Variants in CEP112 observed in about 807,000 individuals in gnomAD.
CEP112 encodes the protein centrosomal protein of 112 kDa.
Under a neutral mutation model 153.0 loss-of-function variants are expected in CEP112, and 127 were observed. The observed-to-expected ratio is 0.83, with a 90% CI of 0.72 to 0.96. The LOEUF (loss-of-function observed/expected upper bound fraction) is 0.96, where lower values mean the gene tolerates loss of function less well. Ranked by LOEUF, CEP112 falls within the 40% of genes least tolerant of loss-of-function variation. The probability of loss-of-function intolerance (pLI) is 0.00; values close to 1 mark genes in which losing one functional copy is unlikely to be tolerated. For missense variants in CEP112, 1,089 were observed against 1,101.2 expected, an observed-to-expected ratio of 0.99 and a Z score of 0.16; for synonymous variants, 358 against 374.4, an observed-to-expected ratio of 0.96 and a Z score of 0.51.
chr17:66,054,413 A>G (rs950801134), intron 11 of CEP112, among the ~76,000 whole-genome samples: 3 of 152,202 alleles, frequency 2.0e-5, no homozygotes, highest in Non-Finnish European at 2.9e-5. Context: ...CAGTCAAACA[A>G]TATGGGTAGG....
At chr17:66,152,887 T>A (rs1387549437) in intron 4 of CEP112, among the ~76,000 whole-genome samples, 2 of 152,184 alleles carry the variant, frequency 1.3e-5, no homozygotes, top group Non-Finnish European at 2.9e-5. Flanking sequence ...AACAGACATT[T>A]CTTCAAAGAA....
At chr17:66,167,161 G>A (rs532825044) in intron 4 of CEP112, among the ~76,000 whole-genome samples, 4 of 152,080 alleles carry the variant, frequency 2.6e-5, no homozygotes, top group Non-Finnish European at 4.4e-5. Context: ...AATACAAAAT[G>A]ACTTTTAGTA....
At chr17:66,081,280 A>G (rs2067706466) in intron 8 of CEP112, among the ~76,000 whole-genome samples, 1 of 152,240 alleles carries the variant, frequency 6.6e-6, no homozygotes, top group African/African-American at 2.4e-5. Context: ...GCAGGTATTA[A>G]TGCTAAAATC....
intron 4 of CEP112, among the ~76,000 whole-genome samples, chr17:66,140,460 G>T (rs1219481072): frequency 6.6e-6 from 1 of 152,102 alleles, no homozygotes; most frequent in African/African-American, 2.4e-5. Context: ...AAATCAGAAA[G>T]TAAAAAGGAA....
chr17:65,650,313 G>T lies in CEP112; in HGVS notation c.2698-9248C>A, dbSNP rs568938970. On this transcript the variant is annotated intron_variant, in intron 24 of 26. Transcript: ENST00000535342. ...ACCTTCATGATGAGGCTGTGTTGGG[G>T]CCAACTGACTCCCCTTTAGACAAGC... Among the ~76,000 whole-genome samples, 8 of 152,206 alleles carry T rather than the reference G, an allele frequency of 5.3e-5. No individual in the cohort carries two copies. In the East Asian group the frequency reaches 1.5e-3, roughly 29 times the overall value.
chr17:65,712,339 G>A (rs780381510), intron 23 of CEP112, among the ~76,000 whole-genome samples: 5 of 152,018 alleles, frequency 3.3e-5, no homozygotes, highest in Admixed American at 6.6e-5. Flanking sequence ...GATGAATAGC[G>A]GAACAAAAAA....
At chr17:65,746,657 C>T (rs147932096) in intron 22 of CEP112, among the ~76,000 whole-genome samples, 406 of 152,198 alleles carry the variant, frequency 2.7e-3, no homozygotes, top group African/African-American at 9.6e-3. Flanking sequence ...AACTGGCACC[C>T]AGTTTAAGTG....
intron 24 of CEP112, among the ~76,000 whole-genome samples, chr17:65,658,909 C>T (rs2046199421): frequency 6.7e-6 from 1 of 149,216 alleles, no homozygotes; most frequent in African/African-American, 2.5e-5. Context: ...GTGTTAGGTG[C>T]TGCCAAGATC....
intron 23 of CEP112, among the ~76,000 whole-genome samples, chr17:65,690,852 G>C (rs555309469): frequency 1.6e-4 from 24 of 152,282 alleles, no homozygotes; most frequent in Non-Finnish European, 3.2e-4. Context: ...AAAGGCTTTA[G>C]ATTTTGCCCA....
chr17:65,938,428 AAAAAG>A (rs1165493979), intron 18 of CEP112, among the ~76,000 whole-genome samples: 3 of 141,414 alleles, frequency 2.1e-5, no homozygotes, highest in East Asian at 2.0e-4. Context: ...AAAAAAAAAA[AAAAAG>A]AAAGAAAAAA....
intron 8 of CEP112, among the ~76,000 whole-genome samples, chr17:66,083,844 C>A (rs10163475): frequency 6.6e-6 from 1 of 151,936 alleles, no homozygotes; most frequent in African/African-American, 2.4e-5. Flanking sequence ...GGTGACTGAG[C>A]GAGACTCCAT....
At chr17:65,695,438 C>T (rs1445672778) in intron 23 of CEP112, among the ~76,000 whole-genome samples, 1 of 152,042 alleles carries the variant, frequency 6.6e-6, no homozygotes, top group East Asian at 1.9e-4. Flanking sequence ...TATGTATGAA[C>T]ATAATTCAGC....
intron 20 of CEP112, among the ~76,000 whole-genome samples, chr17:65,887,274 T>C (rs1234551640): frequency 6.6e-6 from 1 of 152,096 alleles, no homozygotes; most frequent in East Asian, 1.9e-4. Context: ...ACTGAGACAA[T>C]ACATAAGTGC....
chr17:65,685,667 ATTTTTTTTTT>A (rs556118592), intron 24 of CEP112, among the ~76,000 whole-genome samples: 12 of 105,294 alleles, frequency 1.1e-4, no homozygotes, highest in African/African-American at 4.5e-4. Flanking sequence ...AATAGTTCTA[ATTTTTTTTTT>A]TTTTTTTTTT....
intron 12 of CEP112, among the ~76,000 whole-genome samples, chr17:66,044,519 G>A (rs2066118623): frequency 6.6e-6 from 1 of 152,048 alleles, no homozygotes; most frequent in Admixed American, 6.6e-5. Context: ...GCATAGAGTG[G>A]AATTATTATT....
chr17:66,065,470 C>CTA (rs1267020462), intron 10 of CEP112, among the ~76,000 whole-genome samples: 1 of 152,002 alleles, frequency 6.6e-6, no homozygotes, highest in Non-Finnish European at 1.5e-5. Flanking sequence ...CATTACCAGG[C>CTA]TACTCCTCCC....
chr17:65,863,231 A>G (rs886356414), intron 20 of CEP112, among the ~76,000 whole-genome samples: 19 of 152,220 alleles, frequency 1.2e-4, no homozygotes, highest in African/African-American at 4.6e-4. Flanking sequence ...GTCACATGCA[A>G]AAGAATTTTC....
At chr17:65,840,927 G>T (rs1356657092) in intron 21 of CEP112, among the ~76,000 whole-genome samples, 1 of 151,994 alleles carries the variant, frequency 6.6e-6, no homozygotes, top group East Asian at 1.9e-4. Flanking sequence ...AATCATCAGA[G>T]AAATGCAAAC....
chr17:66,010,858 C>A (rs2064492894), intron 16 of CEP112, among the ~76,000 whole-genome samples: 1 of 151,868 alleles, frequency 6.6e-6, no homozygotes, highest in South Asian at 2.1e-4. Context: ...AATTTGGTTT[C>A]CTAGTATTTT....
Sources: allele counts gnomAD v4.1 joint callset (sites outside exome capture counted in the v4.1 genomes callset), GRCh38; gene constraint gnomAD v4.1.1; transcripts MANE v1.5; gene names NCBI Gene and HGNC (gene_info 2026-07-23, HGNC 2026-07-21).